The following NFAT5 variants were observed in gnomAD, a reference collection of about 807,000 sequenced individuals.
The protein encoded by NFAT5 is nuclear factor of activated T-cells 5.
A neutral mutation model predicts 166.5 loss-of-function variants in NFAT5; 31 were observed. That is an observed-to-expected ratio of 0.19 (90% CI 0.14 to 0.25). The LOEUF is 0.25. Among genes scored for constraint, NFAT5 ranks in the 10% least tolerant of loss-of-function variants. The probability of loss-of-function intolerance (pLI) is 1.00; values close to 1 mark genes in which losing one functional copy is unlikely to be tolerated. For missense variants in NFAT5, 1,449 were observed against 1,821.8 expected (o/e 0.80, Z 3.72); for synonymous variants, 612 against 639.7 (o/e 0.96, Z 0.65).
At chr16:69,568,851 A>G (rs2016268549) in intron 2 of NFAT5, among the ~76,000 whole-genome samples, 2 of 152,242 alleles carry the variant, frequency 1.3e-5, no homozygotes, top group Non-Finnish European at 2.9e-5. Context: ...CACAAAATAG[A>G]ATGTGAAAAG....
At chr16:69,600,259 T>C (rs986730498) in intron 2 of NFAT5, among the ~76,000 whole-genome samples, 1 of 151,912 alleles carries the variant, frequency 6.6e-6, no homozygotes, top group African/African-American at 2.4e-5. Flanking sequence ...GAGTATTCAA[T>C]TGTGTCAGAA....
chr16:69,659,657 CTTG>C, intron 6 of NFAT5, 67 bp from the exon 7 acceptor site: 1 of 1,286,762 alleles, frequency 7.8e-7, no homozygotes, highest in Non-Finnish European at 1.0e-6. Flanking sequence ...TAAAAACAAA[CTTG>C]TTGATTAAGA....
At position 69,699,773 on chromosome 16, in the gene NFAT5, T is replaced by C. The variant is rs1293740304; in HGVS notation, c.*3422T>C. 6.6e-6 allele frequency: 1 copy of C among 152,512 alleles called. No homozygotes were observed. The highest frequency in any genetic ancestry group is 1.5e-5 in the Non-Finnish European group (1 of 68,044). The allele number at this position is 152,512 out of a possible 1,614,324, so 9.4% of individuals were successfully genotyped here. A position where few individuals can be genotyped will look rare whatever the true frequency, so the allele number is the denominator to read the frequency against. On this transcript the variant is annotated 3_prime_UTR_variant, in exon 15 of 15. Coordinates refer to ENST00000349945, the MANE Select transcript of NFAT5 (RefSeq NM_138713.4). ...TTTATATTGTTACATTTAAGTGTTC[T>C]TGCTTTCAGCAACTCACATTAATGC...
intron 2 of NFAT5, among the ~76,000 whole-genome samples, chr16:69,596,642 C>T (rs925409109): frequency 1.3e-4 from 19 of 151,162 alleles, no homozygotes; most frequent in Middle Eastern, 3.2e-3. Flanking sequence ...CGCTTGAACC[C>T]GGGAGGCAGA....
At chr16:69,672,641 G>A (rs2036671006) in intron 9 of NFAT5, among the ~76,000 whole-genome samples, 1 of 152,294 alleles carries the variant, frequency 6.6e-6, no homozygotes, top group African/African-American at 2.4e-5. Context: ...TGACTGTGTG[G>A]TCTAAGTAAG....
At chr16:69,678,807 A>T (rs965073914) in intron 10 of NFAT5, among the ~76,000 whole-genome samples, 1 of 152,244 alleles carries the variant, frequency 6.6e-6, no homozygotes, top group Non-Finnish European at 1.5e-5. Context: ...GTGAGGTAGA[A>T]GGTAAAGAAT....
chr16:69,670,754 A>G (rs2036592077), intron 9 of NFAT5, among the ~76,000 whole-genome samples: 1 of 152,186 alleles, frequency 6.6e-6, no homozygotes, highest in South Asian at 2.1e-4. Flanking sequence ...TGAAAACTTG[A>G]AAACAAGGAT....
chr16:69,591,175 G>A (rs1336313321), intron 2 of NFAT5, among the ~76,000 whole-genome samples: 1 of 152,098 alleles, frequency 6.6e-6, no homozygotes, highest in Admixed American at 6.6e-5. Context: ...CAGGTGATAT[G>A]CCTGCTTTGG....
At chr16:69,662,682 G>A (rs951179684) in intron 7 of NFAT5, among the ~76,000 whole-genome samples, 2 of 151,892 alleles carry the variant, frequency 1.3e-5, no homozygotes, top group Admixed American at 6.6e-5. Flanking sequence ...GGATGGTCTC[G>A]ATCTCCTGAG....
At chr16:69,609,238 G>GTAAATACAAGCCAATCC in intron 2 of NFAT5, among the ~76,000 whole-genome samples, 1 of 152,294 alleles carries the variant, frequency 6.6e-6, no homozygotes, top group South Asian at 2.1e-4. Context: ...TAAAGAGGTA[G>GTAAATACAAGCCAATCC]TAAATACAAG....
intron 6 of NFAT5, among the ~76,000 whole-genome samples, chr16:69,656,142 G>A (rs56171157): frequency 0.052 from 7,950 of 151,978 alleles, 259 homozygotes; most frequent in Middle Eastern, 0.11. Flanking sequence ...TTAGCTGGGT[G>A]TGGTGGCACG....
At position 69,670,255 on chromosome 16, in the gene NFAT5, A is replaced by G. The variant is rs2151671782; in HGVS notation, c.1524A>G (p.Ser508=). 6.3e-7 allele frequency: 1 copy of G among 1,589,516 alleles called. No individual in the cohort carries two copies. Among genetic ancestry groups the G allele is most frequent in the South Asian group, 1.2e-5 (1 of 86,048 alleles). The stretch of plus-strand genomic sequence containing the variant: ...AATCAGATGAAAACTCTTGGAAGTC[A>G]GAAGCTGAAATTGATATGGAACTAT... ...ENVSDENSWK[S]EAEIDMELFH... is the part of the protein sequence containing the mutation. The change falls in exon 9 of 15, where the codon TCA becomes TCG. Residue 508 remains serine, a synonymous_variant. Coordinates refer to ENST00000349945, the MANE Select transcript of NFAT5 (RefSeq NM_138713.4).
chr16:69,700,419 T>C lies in NFAT5; in HGVS notation c.*4068T>C, dbSNP rs1292677691. 1 of 152,172 alleles carries C rather than the reference T, an allele frequency of 6.6e-6. No individual in the cohort carries two copies. Among genetic ancestry groups the C allele is most frequent in the African/African-American group, 2.4e-5 (1 of 41,448 alleles). 9.4% of individuals were successfully genotyped at this position (152,172 alleles called of 1,614,324 possible). A position where few individuals can be genotyped will look rare whatever the true frequency, so the allele number is the denominator to read the frequency against. On this transcript the variant is annotated 3_prime_UTR_variant, in exon 15 of 15. Transcript: ENST00000349945. ...GACCATTTAAGCCTTTATAAATGCG[T>C]TTTGACCATTTAAGCCTTTATAAAT...
In NFAT5 at chr16:69,697,947, T is replaced by C. The variant is rs1448460481; in HGVS notation, c.*1596T>C. On this transcript the variant is annotated 3_prime_UTR_variant, in exon 15 of 15. Transcript: ENST00000349945. ...AAGGCTACTTTTCTGTTCTTTTTTT[T>C]TTTTTTTTTCTATCCTGTACATTTA... 2 of 151,882 alleles carry C rather than the reference T, an allele frequency of 1.3e-5. No individual in the cohort carries two copies. Among genetic ancestry groups the C allele is most frequent in the Non-Finnish European group, 2.9e-5 (2 of 67,940 alleles). The allele number at this position is 151,882 out of a possible 1,614,324, so 9.4% of individuals were successfully genotyped here. A position where few individuals can be genotyped will look rare whatever the true frequency, so the allele number is the denominator to read the frequency against.
chr16:69,686,029 G>A (rs2037286348), intron 11 of NFAT5: 1 of 151,480 alleles, frequency 6.6e-6, no homozygotes, highest in South Asian at 2.1e-4. Context: ...TGGGCAACAA[G>A]AGCAAAACTA....
chr16:69,637,561 A>T (rs1481102775), intron 3 of NFAT5, among the ~76,000 whole-genome samples: 1 of 152,196 alleles, frequency 6.6e-6, no homozygotes, highest in Non-Finnish European at 1.5e-5. Context: ...TGGTGGCAGC[A>T]AGAGAAAATG....
chr16:69,581,259 C>G (rs2031669043), intron 2 of NFAT5, among the ~76,000 whole-genome samples: 2 of 152,146 alleles, frequency 1.3e-5, no homozygotes, highest in Admixed American at 1.3e-4. Context: ...CCAGGGTGGT[C>G]TCGAACTCCC....
In NFAT5 at chr16:69,694,129, C is replaced by A; in HGVS notation, c.4304C>A (p.Pro1435Gln). 1.2e-6 allele frequency: 2 copies of A among 1,614,196 alleles called. No homozygotes were observed. Among genetic ancestry groups the A allele is most frequent in the Non-Finnish European group, 1.7e-6 (2 of 1,180,018 alleles). ...CAAGGAGCCACATCTTCGCCTCAAC[C>A]ACAGGCTACTTTATTTCACAACACA... ...GIQGATSSPQ[P>Q]QATLFHNTAG... Residue 1435 changes from proline (P) to glutamine (Q), a missense_variant, in exon 13 of 15, where the codon CCA becomes CAA. Physicochemically the swap from Pro to Gln is moderately conservative, Grantham distance 76. Coordinates refer to ENST00000349945, the MANE Select transcript of NFAT5 (RefSeq NM_138713.4).
At chr16:69,681,741 C>A (rs1567603132) in intron 10 of NFAT5, among the ~76,000 whole-genome samples, 1 of 151,904 alleles carries the variant, frequency 6.6e-6, no homozygotes, top group Non-Finnish European at 1.5e-5. Flanking sequence ...CACAGTGAAA[C>A]CCCGTCTCTA....
Sources: allele counts gnomAD v4.1 joint callset (sites outside exome capture counted in the v4.1 genomes callset), GRCh38; gene constraint gnomAD v4.1.1; transcripts MANE v1.5; gene names NCBI Gene and HGNC (gene_info 2026-07-23, HGNC 2026-07-21).